The following CABP1 variants were observed in gnomAD, a reference collection of about 807,000 sequenced individuals.
The protein encoded by CABP1 is calcium-binding protein 1.
A neutral mutation model predicts 34.3 loss-of-function variants in CABP1; 17 were observed. The ratio of observed to expected loss-of-function variants is 0.50; its 90% CI spans 0.34 to 0.74. The LOEUF is 0.74. CABP1 is among the 30% of genes least tolerant of loss of function. The pLI, the probability that CABP1 is intolerant of heterozygous loss-of-function variation, is 0.01. For synonymous variants in CABP1, 198 were observed against 229.2 expected (o/e 0.86, Z 1.23); for missense variants, 373 against 511.1 (o/e 0.73, Z 2.61).
At chr12:120,678,582 G>A in the CABP1 span, among the ~76,000 whole-genome samples, 1 of 152,160 alleles carries the variant, frequency 6.6e-6, no homozygotes. Flanking sequence ...GCCCCACATG[G>A]TAGGTCTTCT....
At chr12:120,674,008 C>T in the CABP1 span, among the ~76,000 whole-genome samples, 3,263 of 152,150 alleles carry the variant, frequency 0.021, 55 homozygotes, top group Non-Finnish European at 0.029. Context: ...ACAGCAAGAC[C>T]CCATCTCTAT....
At chr12:120,664,814 G>A (rs1184555410) in intron 5 of CABP1, among the ~76,000 whole-genome samples, 1 of 151,678 alleles carries the variant, frequency 6.6e-6, no homozygotes, top group African/African-American at 2.4e-5. Context: ...GGCGGAGGTT[G>A]TAGTGAGCTG....
chr12:120,677,390 C>CTTT, the CABP1 span, among the ~76,000 whole-genome samples: 1,999 of 76,598 alleles, frequency 0.026, 34 homozygotes, highest in African/African-American at 0.045. Context: ...GCCCAGCCTT[C>CTTT]TTTTTTTTTT....
chr12:120,641,521 C>A lies in CABP1; in HGVS notation c.654+182C>A. On this transcript the variant is annotated intron_variant, in intron 1 of 5. Coordinates refer to ENST00000316803, the MANE Select transcript of CABP1 (RefSeq NM_001033677.2). The surrounding 1 kb of genome is among the most constrained non-coding windows in gnomAD (Gnocchi z 6.7). ...CTCCTCCTCCCCGTGCCTGATTCAG[C>A]ACCCCGTGCGCTGTCCACGCTCCGG... is the stretch of plus-strand genomic sequence containing the variant. 2 of 572,642 alleles carry A rather than the reference C, an allele frequency of 3.5e-6. No individual in the cohort carries two copies. The highest frequency in any genetic ancestry group is 5.2e-6 in the Non-Finnish European group (2 of 387,288). The allele number at this position is 572,642 out of a possible 1,614,324, so 35.5% of individuals were successfully genotyped here.
At chr12:120,679,238 C>T in the CABP1 span, among the ~76,000 whole-genome samples, 5 of 152,222 alleles carry the variant, frequency 3.3e-5, no homozygotes, top group East Asian at 5.8e-4. Flanking sequence ...CACACAGTGA[C>T]TAATGGCAGA....
At chr12:120,648,697 A>G (rs559379404) in intron 1 of CABP1, among the ~76,000 whole-genome samples, 2 of 152,142 alleles carry the variant, frequency 1.3e-5, no homozygotes, top group Admixed American at 6.5e-5. Flanking sequence ...CCTGTTCAAC[A>G]TGGTGAAACC....
intron 1 of CABP1, chr12:120,655,826 CGTGCGTGTGTGTGTGTGTGTGT>C: frequency 7.1e-7 from 1 of 1,417,498 alleles, no homozygotes; most frequent in African/African-American, 1.5e-5. Flanking sequence ...CCAGTGCGTG[CGTGCGTGTGTGTGTGTGTGTGT>C]GTGCGCATGT....
At chr12:120,656,334 G>C in intron 1 of CABP1, 2 of 1,442,438 alleles carry the variant, frequency 1.4e-6, no homozygotes, top group Non-Finnish European at 1.8e-6. Context: ...AGGAGGTGCT[G>C]GGATGAAGAA....
the CABP1 span, among the ~76,000 whole-genome samples, chr12:120,674,820 G>A: frequency 2.0e-5 from 3 of 151,610 alleles, no homozygotes; most frequent in African/African-American, 7.3e-5. Flanking sequence ...GAACCCGGGA[G>A]GCAGAGGTTG....
intron 5 of CABP1, among the ~76,000 whole-genome samples, chr12:120,662,990 T>G (rs949239206): frequency 6.6e-6 from 1 of 152,010 alleles, no homozygotes; most frequent in African/African-American, 2.4e-5. Context: ...TGGCCTATCC[T>G]GTTTTTTACT....
downstream of CABP1, among the ~76,000 whole-genome samples, chr12:120,668,050 T>C (rs554379790): frequency 4.6e-5 from 7 of 152,296 alleles, no homozygotes; most frequent in East Asian, 1.2e-3. Flanking sequence ...ATTGTGATAC[T>C]GCTATTGAGG....
intron 1 of CABP1, among the ~76,000 whole-genome samples, chr12:120,646,643 A>C (rs1423060770): frequency 6.6e-6 from 1 of 152,020 alleles, no homozygotes; most frequent in Non-Finnish European, 1.5e-5. Context: ...CCTCCTGAGT[A>C]TCTATGACCA....
At chr12:120,672,477 A>C in the CABP1 span, among the ~76,000 whole-genome samples, 1 of 151,688 alleles carries the variant, frequency 6.6e-6, no homozygotes, top group South Asian at 2.1e-4. Context: ...TACTAAAAAT[A>C]CAAAATTAGC....
the CABP1 span, among the ~76,000 whole-genome samples, chr12:120,679,894 C>T: frequency 4.0e-5 from 6 of 151,668 alleles, no homozygotes; most frequent in East Asian, 1.2e-3. Context: ...CTCTTCTGGC[C>T]AGCATGGTAG....
At chr12:120,670,885 G>T (rs530911186), downstream of CABP1, among the ~76,000 whole-genome samples, 1 of 152,288 alleles carries the variant, frequency 6.6e-6, no homozygotes, top group South Asian at 2.1e-4. Context: ...CCTACTATGT[G>T]CCAGGCCCCA....
chr12:120,648,769 T>C (rs1298926281), intron 1 of CABP1, among the ~76,000 whole-genome samples: 1 of 151,890 alleles, frequency 6.6e-6, no homozygotes, highest in African/African-American at 2.4e-5. Flanking sequence ...TAATCCTAGC[T>C]ACTCGGGAGG....
Position 120,660,890 on chromosome 12 carries a change from G to T in CABP1, c.939+50G>T, listed in dbSNP as rs1432732467. Reference sequence around the variant, plus strand: ...TGGGGCGGCTATTGGAATCCTATCTGCAGTATAAATACTTCAAAAGAAGCC... The same window carrying T: ...TGGGGCGGCTATTGGAATCCTATCTTCAGTATAAATACTTCAAAAGAAGCC... On this transcript the variant is annotated intron_variant, in intron 4 of 5. Coordinates refer to ENST00000316803, the MANE Select transcript of CABP1 (RefSeq NM_001033677.2). The surrounding 1 kb of genome is among the most constrained non-coding windows in gnomAD (Gnocchi z 5.0). 6.9e-7 allele frequency: 1 copy of T among 1,455,752 alleles called. No individual in the cohort carries two copies. Among genetic ancestry groups the T allele is most frequent in the Admixed American group, 1.7e-5 (1 of 59,676 alleles). 90.2% of individuals were successfully genotyped at this position (1,455,752 alleles called of 1,614,324 possible). A position where few individuals can be genotyped will look rare whatever the true frequency, so the allele number is the denominator to read the frequency against.
chr12:120,652,821 G>T (rs552159798), intron 1 of CABP1, among the ~76,000 whole-genome samples: 3 of 152,158 alleles, frequency 2.0e-5, no homozygotes, highest in African/African-American at 7.2e-5. Flanking sequence ...AGGCACACTT[G>T]CCCCTCCTGT....
At position 120,661,196 on chromosome 12, in the gene CABP1, G is replaced by T; in HGVS notation, c.1065G>T (p.Gly355=). Reference sequence around the variant, plus strand: ...TTATCCGAGATGTGGACCTCAATGGGGATGGACGAGTGGACTTTGAAGGTA... The same window carrying T: ...TTATCCGAGATGTGGACCTCAATGGTGATGGACGAGTGGACTTTGAAGGTA... ...EEIIRDVDLN[G]DGRVDFEEFV... Residue 355 remains glycine (G), a synonymous_variant, in exon 5 of 6, where the codon GGG becomes GGT. Coordinates refer to ENST00000316803, the MANE Select transcript of CABP1 (RefSeq NM_001033677.2). This position sits in a 1 kb window ranked among gnomAD's most constrained non-coding sequence, Gnocchi z 5.1. 1 of 1,609,882 alleles carries T rather than the reference G, an allele frequency of 6.2e-7. No individual in the cohort carries two copies.
Sources: allele counts gnomAD v4.1 joint callset (sites outside exome capture counted in the v4.1 genomes callset), GRCh38; gene constraint gnomAD v4.1.1; non-coding constraint Gnocchi (gnomAD v3.1); transcripts MANE v1.5; gene names NCBI Gene and HGNC (gene_info 2026-07-23, HGNC 2026-07-21).